Variants in CSMD3 observed in about 807,000 individuals in gnomAD.
CSMD3 encodes CUB and sushi domain-containing protein 3.
A neutral mutation model predicts 435.2 loss-of-function variants in CSMD3; 177 were observed. The observed-to-expected ratio is 0.41, with a 90% CI of 0.36 to 0.46. CSMD3 has a LOEUF of 0.46. Ranked by LOEUF, CSMD3 falls within the 20% of genes least tolerant of loss-of-function variation. The pLI is 0.34. For missense variants in CSMD3, 4,265 were observed against 4,504.6 expected, an observed-to-expected ratio of 0.95 and a Z score of 1.52; for synonymous variants, 1,656 against 1,520.5, an observed-to-expected ratio of 1.09 and a Z score of -2.07.
At chr8:113,138,809 T>C (rs968642385) in intron 4 of CSMD3, among the ~76,000 whole-genome samples, 2 of 93,634 alleles carry the variant, frequency 2.1e-5, no homozygotes, top group East Asian at 9.6e-4. Context: ...CTAAACGTGT[T>C]AGTGTGTGTG....
intron 13 of CSMD3, among the ~76,000 whole-genome samples, chr8:112,756,693 T>C (rs921932648): frequency 2.0e-5 from 3 of 151,998 alleles, no homozygotes; most frequent in Non-Finnish European, 4.4e-5. Flanking sequence ...GAATGAAAAA[T>C]GCGGTTTGTT....
chr8:113,014,501 T>C (rs1377434771), intron 6 of CSMD3, among the ~76,000 whole-genome samples: 1 of 151,798 alleles, frequency 6.6e-6, no homozygotes, highest in African/African-American at 2.4e-5. Context: ...GATGCCCTTA[T>C]CAAGAAAAAA....
At chr8:112,750,238 CTA>C (rs1002236051) in intron 13 of CSMD3, among the ~76,000 whole-genome samples, 4 of 151,678 alleles carry the variant, frequency 2.6e-5, no homozygotes, top group African/African-American at 9.7e-5. Flanking sequence ...AGAAAGATAA[CTA>C]TTGATTGAGA....
intron 13 of CSMD3, among the ~76,000 whole-genome samples, chr8:112,757,842 C>T (rs1313954718): frequency 6.6e-6 from 1 of 150,854 alleles, no homozygotes; most frequent in Non-Finnish European, 1.5e-5. Context: ...TTGCTTGATC[C>T]CAAGAGTTTG....
chr8:113,169,998 C>A (rs1358732062), intron 4 of CSMD3, among the ~76,000 whole-genome samples: 2 of 152,082 alleles, frequency 1.3e-5, no homozygotes, highest in African/African-American at 4.8e-5. Flanking sequence ...TACACCATAC[C>A]CTCTAGGTTG....
rs1191058205 is a variant in CSMD3 at position 112,636,850 on chromosome 8, G to A, written c.3682C>T (p.Arg1228Ter). ...SEIICLGGGR[R>*]VWSAPLPRCV... ...CTTGGCAGAGGTGCACTCCACACTC[G>A]TCGGCCACCACCAAGACAGATGATC... Residue 1228 changes from arginine to a stop codon, truncating the protein, a stop_gained, in exon 22 of 71, where the codon CGA becomes TGA. Transcript: ENST00000297405. LOFTEE classifies it high-confidence loss of function. 1 of 1,611,056 alleles carries A rather than the reference G, an allele frequency of 6.2e-7. No homozygotes were observed. Among genetic ancestry groups the A allele is most frequent in the African/African-American group, 1.3e-5 (1 of 74,088 alleles).
At chr8:112,481,373 A>G (rs1055563908) in intron 31 of CSMD3, among the ~76,000 whole-genome samples, 2 of 152,236 alleles carry the variant, frequency 1.3e-5, no homozygotes, top group African/African-American at 4.8e-5. Context: ...TTGCAATTTC[A>G]CATCTGTCTC....
chr8:113,209,433 T>C (rs2092806967), intron 3 of CSMD3, among the ~76,000 whole-genome samples: 1 of 152,166 alleles, frequency 6.6e-6, no homozygotes, highest in African/African-American at 2.4e-5. Context: ...CATAAGAGTG[T>C]AACAAGTGTT....
intron 4 of CSMD3, among the ~76,000 whole-genome samples, chr8:113,123,893 G>A (rs1247481637): frequency 1.3e-5 from 2 of 151,860 alleles, no homozygotes; most frequent in Non-Finnish European, 2.9e-5. Context: ...GTTTAAATGT[G>A]TTAAGGACAT....
chr8:112,353,935 C>A (rs914910626), intron 38 of CSMD3, among the ~76,000 whole-genome samples: 1 of 152,012 alleles, frequency 6.6e-6, no homozygotes, highest in Admixed American at 6.6e-5. Context: ...GAACACAGTT[C>A]GTAAAATCCT....
chr8:113,195,791 TTATATATA>T (rs749886578), intron 3 of CSMD3, among the ~76,000 whole-genome samples: 4 of 126,044 alleles, frequency 3.2e-5, no homozygotes. Flanking sequence ...ATCCTATATT[TTATATATA>T]TATATATATA....
Position 112,244,517 on chromosome 8 carries a change from G to C in CSMD3, c.10279C>G (p.Leu3427Val), listed in dbSNP as rs1343611616. Residue 3427 changes from leucine (L) to valine (V), a missense_variant, in exon 65 of 71, where the codon CTT (leucine) becomes GTT (valine). Leu to Val is a conservative substitution (Grantham distance 32). Transcript: ENST00000297405. ...ATCAGTGTATACCCATGAGATGGAA[G>C]GTCCATCCCTACGACATTTGCATGA... ...PAHANVVGMD[L>V]PSHGYTLIYT... is the part of the protein sequence containing the mutation. 6.2e-7 allele frequency: 1 copy of C among 1,613,544 alleles called. No homozygotes were observed. The highest frequency in any genetic ancestry group is 8.5e-7 in the Non-Finnish European group (1 of 1,179,550).
At chr8:113,000,246 T>C (rs182524646) in intron 6 of CSMD3, among the ~76,000 whole-genome samples, 113 of 152,106 alleles carry the variant, frequency 7.4e-4, no homozygotes, top group African/African-American at 2.7e-3. Context: ...AACTGAGAAA[T>C]TGTGACTTCC....
At chr8:113,409,150 C>T (rs929011815) in intron 1 of CSMD3, among the ~76,000 whole-genome samples, 3 of 129,396 alleles carry the variant, frequency 2.3e-5, no homozygotes. Flanking sequence ...GTGGTGGGAT[C>T]TCAGCTCACT....
chr8:113,175,281 A>C (rs1345587509), intron 3 of CSMD3, among the ~76,000 whole-genome samples: 1 of 151,832 alleles, frequency 6.6e-6, no homozygotes, highest in East Asian at 1.9e-4. Context: ...AGGTCAATTT[A>C]ATCAAGAAAA....
chr8:112,970,956 C>T (rs1341686788), intron 7 of CSMD3, among the ~76,000 whole-genome samples: 1 of 152,052 alleles, frequency 6.6e-6, no homozygotes, highest in Non-Finnish European at 1.5e-5. Flanking sequence ...CTACTGACCT[C>T]GTTATTCACC....
intron 5 of CSMD3, among the ~76,000 whole-genome samples, chr8:113,087,045 C>T (rs967995419): frequency 2.0e-5 from 3 of 152,166 alleles, no homozygotes; most frequent in Admixed American, 1.3e-4. Context: ...CTCTCTCACA[C>T]TTCTGCAAAT....
At chr8:113,219,366 G>C (rs535322346) in intron 3 of CSMD3, among the ~76,000 whole-genome samples, 1 of 151,066 alleles carries the variant, frequency 6.6e-6, no homozygotes, top group African/African-American at 2.4e-5. Flanking sequence ...CAAAAAATAA[G>C]AATTCTGCAA....
chr8:113,197,997 A>G (rs2092678077), intron 3 of CSMD3, among the ~76,000 whole-genome samples: 1 of 151,334 alleles, frequency 6.6e-6, no homozygotes, highest in Admixed American at 6.6e-5. Flanking sequence ...AGTTGTTCCT[A>G]TTGTATAAAA....
Sources: allele counts gnomAD v4.1 joint callset (sites outside exome capture counted in the v4.1 genomes callset), GRCh38; gene constraint gnomAD v4.1.1; transcripts MANE v1.5; gene names NCBI Gene and HGNC (gene_info 2026-07-23, HGNC 2026-07-21).